CLEC18A: variants seen among roughly 807,000 people sequenced by gnomAD.
CLEC18A encodes the protein C-type lectin domain family 18 member A.
In CLEC18A, 5 loss-of-function variants were observed where a neutral mutation model predicts 24.0. That is an observed-to-expected ratio of 0.21 (90% CI 0.11 to 0.44). The LOEUF is 0.44. Ranked by LOEUF, CLEC18A falls within the 20% of genes least tolerant of loss-of-function variation. The pLI is 0.99. For missense variants in CLEC18A, 83 were observed against 233.4 expected (o/e 0.36, Z 4.20); for synonymous variants, 29 against 100.1 (o/e 0.29, Z 4.24).
chr16:69,959,020 G>T lies in CLEC18A; in HGVS notation c.535G>T (p.Val179Phe). The T allele has an allele frequency of 1.0e-5, 1 of 98,430 alleles. No homozygotes were observed. The highest frequency in any genetic ancestry group is 1.6e-5 in the Non-Finnish European group (1 of 61,180). The allele number at this position is 98,430 out of a possible 1,614,324, so 6.1% of individuals were successfully genotyped here. A position where few individuals can be genotyped will look rare whatever the true frequency, so the allele number is the denominator to read the frequency against. The change falls in exon 4 of 12, where the codon GTC becomes TTC. Residue 179 changes from valine (V) to phenylalanine (F), a missense_variant. Val to Phe is a conservative substitution (Grantham distance 50). Around this residue, in one of 3 missense-constraint regions of CLEC18A, gnomAD observed 11 missense variants for 57.6 expected, o/e 0.19. Coordinates refer to ENST00000288040, the MANE Select transcript of CLEC18A (RefSeq NM_001370523.4). ...SAGQAAIEAF[V>F]CAYSPRGNWE... is the part of the protein sequence containing the mutation. ...AGGCCAGGCAGCGATAGAAGCCTTT[G>T]TCTGTGCCTACTCCCCCAGGTAAGC...
At chr16:69,946,662 G>A (rs1374936413), upstream of CLEC18A, among the ~76,000 whole-genome samples, 4 of 149,760 alleles carry the variant, frequency 2.7e-5, no homozygotes, top group South Asian at 2.2e-4. Flanking sequence ...CCTCGGTCTC[G>A]GAAAGTGCTG....
chr16:69,944,330 G>A, the CLEC18A span, among the ~76,000 whole-genome samples: 1 of 151,170 alleles, frequency 6.6e-6, no homozygotes, highest in Non-Finnish European at 1.5e-5. Flanking sequence ...ACAGCAGAAC[G>A]TCAGCTCTTG....
At chr16:69,944,815 G>A in the CLEC18A span, among the ~76,000 whole-genome samples, 26 of 118,180 alleles carry the variant, frequency 2.2e-4, no homozygotes, top group Admixed American at 1.0e-3. Flanking sequence ...CAGCCTGGGC[G>A]ACAGAGCGAT....
Position 69,954,498 on chromosome 16 carries a change from G to A in CLEC18A, c.381G>A (p.Trp127Ter). 1 of 1,612,600 alleles carries A rather than the reference G, an allele frequency of 6.2e-7. No individual in the cohort carries two copies. Among genetic ancestry groups the A allele is most frequent in the East Asian group, 2.2e-5 (1 of 44,868 alleles). The change falls in exon 3 of 12, where the codon TGG becomes TGA. Residue 127 changes from tryptophan to a stop codon, truncating the protein, a stop_gained. Coordinates refer to ENST00000288040, the MANE Select transcript of CLEC18A (RefSeq NM_001370523.4). LOFTEE classifies it high-confidence loss of function. ...LVSFVEVVSL[W>*]FAEGQRYSHA... ...CCTTTGTCGAAGTGGTCAGCCTATG[G>A]TTTGCAGAGGGGCAGCGGTACAGCC...
At chr16:69,954,624 C>G in intron 3 of CLEC18A, 51 bp downstream of exon 3, 2 of 1,602,846 alleles carry the variant, frequency 1.2e-6, no homozygotes, top group Non-Finnish European at 1.7e-6. Flanking sequence ...ATACAGACTT[C>G]CACTGGGCCA....
At chr16:69,954,110 C>T (rs888144880) in intron 2 of CLEC18A, among the ~76,000 whole-genome samples, 1 of 138,490 alleles carries the variant, frequency 7.2e-6, no homozygotes, top group Admixed American at 7.4e-5. Flanking sequence ...ATGCCCACGA[C>T]AGGATTTGGA....
upstream of CLEC18A, among the ~76,000 whole-genome samples, chr16:69,945,849 T>A (rs2058909359): frequency 6.6e-6 from 1 of 151,942 alleles, no homozygotes; most frequent in Non-Finnish European, 1.5e-5. Context: ...TTTCAGCACT[T>A]TGGGAGGCCA....
At chr16:69,944,304 C>A in the CLEC18A span, among the ~76,000 whole-genome samples, 1 of 150,806 alleles carries the variant, frequency 6.6e-6, no homozygotes, top group Non-Finnish European at 1.5e-5. Context: ...ATACGGGGAG[C>A]TTGGGTGGTC....
At chr16:69,946,530 G>A (rs1385320095), upstream of CLEC18A, among the ~76,000 whole-genome samples, 2 of 144,622 alleles carry the variant, frequency 1.4e-5, no homozygotes, top group Non-Finnish European at 3.0e-5. Flanking sequence ...CCTGAGTAGA[G>A]TAGCTGGGAT....
At chr16:69,946,982 C>T (rs1438357543), upstream of CLEC18A, among the ~76,000 whole-genome samples, 2 of 93,112 alleles carry the variant, frequency 2.1e-5, no homozygotes, top group African/African-American at 5.2e-5. Flanking sequence ...TTAGTGGGAC[C>T]AGTGAGAAAA....
downstream of CLEC18A, among the ~76,000 whole-genome samples, chr16:69,966,192 T>C (rs1347791125): frequency 6.7e-6 from 1 of 148,248 alleles, no homozygotes; most frequent in African/African-American, 2.5e-5. Context: ...TAAAAGTCCA[T>C]GGTGCCCTAC....
chr16:69,954,136 G>A (rs1291279221), intron 2 of CLEC18A, among the ~76,000 whole-genome samples, 198 bp from the exon 3 acceptor site: 97 of 142,112 alleles, frequency 6.8e-4, no homozygotes, highest in African/African-American at 2.2e-3. Context: ...AGGCTCAGTC[G>A]TGAGAGGAGC....
the CLEC18A span, among the ~76,000 whole-genome samples, chr16:69,944,563 G>C: frequency 6.6e-6 from 1 of 151,806 alleles, no homozygotes; most frequent in East Asian, 1.9e-4. Flanking sequence ...AGAAGGGCCA[G>C]GCACGGTGGC....
At chr16:69,946,190 C>T (rs1193973918), upstream of CLEC18A, among the ~76,000 whole-genome samples, 1 of 100,952 alleles carries the variant, frequency 9.9e-6, no homozygotes, top group Non-Finnish European at 2.1e-5. Context: ...AGGAGAATCA[C>T]GTGAACCCAG....
the CLEC18A span, among the ~76,000 whole-genome samples, chr16:69,945,441 T>C: frequency 6.6e-6 from 1 of 152,274 alleles, no homozygotes; most frequent in African/African-American, 2.4e-5. Flanking sequence ...TCTCCAGTTT[T>C]ATTCTTTTTC....
chr16:69,945,027 A>G, the CLEC18A span, among the ~76,000 whole-genome samples: 5 of 145,946 alleles, frequency 3.4e-5, no homozygotes, highest in South Asian at 2.2e-4. Flanking sequence ...CCATAGTCCC[A>G]ACTACCTGGG....
At chr16:69,965,429 C>G (rs866896283), downstream of CLEC18A, among the ~76,000 whole-genome samples, 8 of 152,024 alleles carry the variant, frequency 5.3e-5, no homozygotes, top group Non-Finnish European at 1.0e-4. Context: ...CCGCAGCGCC[C>G]GGAGGGGCCG....
chr16:69,955,419 C>T lies in CLEC18A; in HGVS notation c.456+846C>T, dbSNP rs560626381. Among the ~76,000 whole-genome samples, 4 of 151,182 alleles carry T rather than the reference C, an allele frequency of 2.6e-5. No homozygotes were observed. The East Asian group carries it at 7.8e-4, about 30-fold the overall frequency. On this transcript the variant is annotated intron_variant, in intron 3 of 11. Coordinates refer to ENST00000288040, the MANE Select transcript of CLEC18A (RefSeq NM_001370523.4). ...AGGATGGAGTGCAATGGCTTGATCTCGGTTCACTAGAACCTCTGCCTCCCA... is the reference window on the plus strand; with the variant it reads ...AGGATGGAGTGCAATGGCTTGATCTTGGTTCACTAGAACCTCTGCCTCCCA...
At chr16:69,966,287 C>A (rs1260945413), downstream of CLEC18A, among the ~76,000 whole-genome samples, 2 of 149,958 alleles carry the variant, frequency 1.3e-5, no homozygotes, top group Non-Finnish European at 3.0e-5. Context: ...CTGTTAGAGG[C>A]CTTTGAACCA....
Sources: allele counts gnomAD v4.1 joint callset (sites outside exome capture counted in the v4.1 genomes callset), GRCh38; gene constraint gnomAD v4.1.1; regional missense constraint gnomAD v4.1.1; transcripts MANE v1.5; gene names NCBI Gene and HGNC (gene_info 2026-07-23, HGNC 2026-07-21).